Variants in WFS1 observed in about 807,000 individuals in gnomAD.
WFS1 encodes wolframin ER transmembrane glycoprotein, also known as wolframin.
Under a neutral mutation model 68.5 loss-of-function variants are expected in WFS1, and 90 were observed. That is an observed-to-expected ratio of 1.31 (90% confidence interval 1.11 to 1.56). WFS1 has a LOEUF of 1.56. Among genes scored for constraint, WFS1 ranks in the 40% most tolerant of loss-of-function variants. The pLI is 0.00. For missense variants in WFS1, 1,767 were observed against 1,232.6 expected (o/e 1.43, Z -6.49); for synonymous variants, 860 against 540.7 (o/e 1.59, Z -8.19).
Position 6,292,415 on chromosome 4 carries a change from C to T in WFS1, c.712+418C>T, listed in dbSNP as rs185624824. Among the ~76,000 whole-genome samples, 4 of 152,170 alleles carry T rather than the reference C, an allele frequency of 2.6e-5. No individual in the cohort carries two copies. The East Asian group carries it at 7.7e-4, about 29-fold the overall frequency. Reference sequence around the variant, plus strand: ...AGCATGAGCAAAGGCCCAGGAGACCCAGCAGGGTGTGGAAGGGGCTCTGCC... The same window carrying T: ...AGCATGAGCAAAGGCCCAGGAGACCTAGCAGGGTGTGGAAGGGGCTCTGCC... On this transcript the variant is annotated intron_variant, in intron 6 of 7. Transcript: ENST00000226760.
At chr4:6,298,020 G>C (rs1730683545) in intron 7 of WFS1, among the ~76,000 whole-genome samples, 1 of 152,248 alleles carries the variant, frequency 6.6e-6, no homozygotes, top group African/African-American at 2.4e-5. Flanking sequence ...CCAGGTGGTT[G>C]TGTGTGTTCT....
At chr4:6,281,019 A>G (rs1730146447) in intron 2 of WFS1, among the ~76,000 whole-genome samples, 1 of 152,202 alleles carries the variant, frequency 6.6e-6, no homozygotes, top group African/African-American at 2.4e-5. Context: ...TGGGGCAGTC[A>G]TATGCCCTTT....
At chr4:6,278,381 G>A (rs541421863) in intron 2 of WFS1, among the ~76,000 whole-genome samples, 29 of 152,294 alleles carry the variant, frequency 1.9e-4, no homozygotes, top group Middle Eastern at 3.4e-3. Context: ...CTCAGGCCTC[G>A]GTCAGCCTTC....
At chr4:6,299,916 T>C (rs1214911760) in intron 7 of WFS1, among the ~76,000 whole-genome samples, 1 of 70,894 alleles carries the variant, frequency 1.4e-5, no homozygotes, top group Non-Finnish European at 2.7e-5. Flanking sequence ...TGTGTGTGTA[T>C]GGGGTGGGTT....
intron 1 of WFS1, among the ~76,000 whole-genome samples, chr4:6,274,315 G>C (rs2109105758): frequency 6.6e-6 from 1 of 152,114 alleles, no homozygotes; most frequent in Admixed American, 6.5e-5. Context: ...CCAAAGTGCT[G>C]GGATTACAGG....
rs576707270 is a variant in WFS1 at position 6,283,378 on chromosome 4, A to G, written c.233-3715A>G. On this transcript the variant is annotated intron_variant, in intron 2 of 7. Transcript: ENST00000226760. The surrounding 1 kb of genome is among the most constrained non-coding windows in gnomAD (Gnocchi z 5.0). ...TGTAAGTGACAAAATCTCAATATAA[A>G]TTGACACAAGCCAAAAAAGTAGAGG... Among the ~76,000 whole-genome samples, 54 of 152,350 alleles carry G rather than the reference A, an allele frequency of 3.5e-4. No homozygotes were observed. The South Asian group carries it at 0.011, about 31-fold the overall frequency.
chr4:6,281,416 CGTGA>C (rs146854846), intron 2 of WFS1, among the ~76,000 whole-genome samples: 4,479 of 152,162 alleles, frequency 0.029, 73 homozygotes, highest in Middle Eastern at 0.044. Flanking sequence ...AGGGCATTGT[CGTGA>C]GTGGGGCTCA....
Position 6,287,351 on chromosome 4 carries a change from G to T in WFS1, c.315+176G>T, listed in dbSNP as rs71530921. On this transcript the variant is annotated intron_variant, in intron 3 of 7. Transcript: ENST00000226760. The surrounding 1 kb of genome is among the most constrained non-coding windows in gnomAD (Gnocchi z 6.4). The stretch of plus-strand genomic sequence containing the variant: ...TTGGTAGGGTGCCCATGTTCACTGT[G>T]CCAGTTTTCCTCCTGGCACTCCTCT... 637 of 653,780 alleles carry T rather than the reference G, an allele frequency of 9.7e-4. 3 individuals are homozygous for T. The highest frequency in any genetic ancestry group is 7.2e-3 in the African/African-American group (402 of 56,138). 40.5% of individuals were successfully genotyped at this position (653,780 alleles called of 1,614,324 possible). A position where few individuals can be genotyped will look rare whatever the true frequency, so the allele number is the denominator to read the frequency against.
intron 1 of WFS1, among the ~76,000 whole-genome samples, chr4:6,274,056 C>T (rs4689390): frequency 0.12 from 3,758 of 31,636 alleles, 152 homozygotes; most frequent in African/African-American, 0.26. Flanking sequence ...TTTCTTTTTT[C>T]TTTTTTTTGA....
In WFS1 at chr4:6,301,080, T is replaced by C. The variant is rs764765253; in HGVS notation, c.1285T>C (p.Cys429Arg). ...FPIASKDCIPCSELAVITGFF... is the reference protein window; with the variant it reads ...FPIASKDCIPRSELAVITGFF... ...CATCGCCAGCAAGGACTGCATCCCC[T>C]GCTCGGAGCTGGCTGTCATCACCGG... Residue 429 changes from cysteine (C) to arginine (R), a missense_variant, in exon 8 of 8, where the codon TGC (cysteine) becomes CGC (arginine). By Grantham distance (180) the Cys-to-Arg change is radical. Coordinates refer to ENST00000226760, the MANE Select transcript of WFS1 (RefSeq NM_006005.3). 1.2e-6 allele frequency: 2 copies of C among 1,614,086 alleles called. No homozygotes were observed. Among genetic ancestry groups the C allele is most frequent in the East Asian group, 4.5e-5 (2 of 44,866 alleles).
chr4:6,270,710 C>T (rs565799883), intron 1 of WFS1, among the ~76,000 whole-genome samples: 32 of 152,322 alleles, frequency 2.1e-4, no homozygotes, highest in African/African-American at 7.5e-4. Context: ...GAATCCTACC[C>T]AGCCCTTTTG....
intron 1 of WFS1, among the ~76,000 whole-genome samples, chr4:6,271,334 T>G (rs1322291633): frequency 1.1e-4 from 16 of 152,190 alleles, no homozygotes; most frequent in Admixed American, 1.0e-3. Flanking sequence ...CATCTCACCT[T>G]CTTTCCCAGG....
At position 6,301,056 on chromosome 4, in the gene WFS1, A is replaced by C. The variant is rs727503749; in HGVS notation, c.1261A>C (p.Ile421Leu). The change falls in exon 8 of 8, where the codon ATC becomes CTC. Residue 421 changes from isoleucine to leucine, a missense_variant. Physicochemically the swap from Ile to Leu is conservative, Grantham distance 5 (BLOSUM62 2). Transcript: ENST00000226760. ...SVFFVIFSFP[I>L]ASKDCIPCSE... ...CTTCTTCGTCATCTTCTCCTTCCCC[A>C]TCGCCAGCAAGGACTGCATCCCCTG... 12 of 1,613,900 alleles carry C rather than the reference A, an allele frequency of 7.4e-6. No individual in the cohort carries two copies. The highest frequency in any genetic ancestry group is 1.0e-5 in the Non-Finnish European group (12 of 1,179,962).
chr4:6,273,005 A>T (rs114898385), intron 1 of WFS1, among the ~76,000 whole-genome samples: 2,438 of 152,344 alleles, frequency 0.016, 62 homozygotes, highest in African/African-American at 0.055. Context: ...CCCCGAGGGC[A>T]TCTCCAGTGA....
At chr4:6,290,816 C>T (rs1730439623) in intron 4 of WFS1, among the ~76,000 whole-genome samples, 1 of 152,190 alleles carries the variant, frequency 6.6e-6, no homozygotes, top group South Asian at 2.1e-4. Flanking sequence ...CTGGTGACTG[C>T]AGTGAGTCCA....
chr4:6,281,504 A>G (rs1181721323), intron 2 of WFS1, among the ~76,000 whole-genome samples: 1 of 152,154 alleles, frequency 6.6e-6, no homozygotes, highest in Non-Finnish European at 1.5e-5. Context: ...AGGCCACAAG[A>G]AGGCTGAGGG....
At position 6,295,208 on chromosome 4, in the gene WFS1, G is replaced by C. The variant is rs373896467; in HGVS notation, c.861+19G>C. On this transcript the variant is annotated intron_variant, in intron 7 of 7. Coordinates refer to ENST00000226760, the MANE Select transcript of WFS1 (RefSeq NM_006005.3). ...TCTGAAGGTGAGTGACCAAGACCCCGGTCAGGCCGGAGCCTGCCTCCCAAG... is the reference window on the plus strand; with the variant it reads ...TCTGAAGGTGAGTGACCAAGACCCCCGTCAGGCCGGAGCCTGCCTCCCAAG... 1.2e-6 allele frequency: 2 copies of C among 1,610,424 alleles called. No homozygotes were observed. The highest frequency in any genetic ancestry group is 4.5e-5 in the East Asian group (2 of 44,870).
chr4:6,302,132 G>T lies in WFS1; in HGVS notation c.2337G>T (p.Val779=). ...KFDRYKFEIT[V]GMPFSSGADG... is the part of the protein sequence containing the mutation. ...ACCGCTACAAGTTTGAGATTACCGT[G>T]GGCATGCCATTCAGCAGCGGCGCTG... The change falls in exon 8 of 8, where the codon GTG becomes GTT. Residue 779 remains valine (V), a synonymous_variant. Coordinates refer to ENST00000226760, the MANE Select transcript of WFS1 (RefSeq NM_006005.3). 1 of 1,612,952 alleles carries T rather than the reference G, an allele frequency of 6.2e-7. No individual in the cohort carries two copies. The highest frequency in any genetic ancestry group is 8.5e-7 in the Non-Finnish European group (1 of 1,180,018).
chr4:6,286,684 G>C (rs1384666202), intron 2 of WFS1, among the ~76,000 whole-genome samples: 1 of 152,210 alleles, frequency 6.6e-6, no homozygotes, highest in Admixed American at 6.5e-5. Flanking sequence ...TGGGCTTCGG[G>C]TACAGGTGCT....
Sources: gnomAD v4.1 joint callset for allele counts (sites outside exome capture counted in the v4.1 genomes callset) on GRCh38, gnomAD v4.1.1 for gene constraint, Gnocchi (gnomAD v3.1) non-coding constraint, MANE v1.5 for transcripts, NCBI Gene and HGNC (gene_info 2026-07-23, HGNC 2026-07-21) for gene names.